TRIM5: variants seen among roughly 807,000 people sequenced by gnomAD.
TRIM5 encodes tripartite motif containing 5.
TRIM5 carries 31 observed loss-of-function variants against 35.6 expected under a neutral mutation model. That is an observed-to-expected ratio of 0.87 (90% CI 0.65 to 1.18). The LOEUF (loss-of-function observed/expected upper bound fraction) is 1.18, where lower values mean the gene tolerates loss of function less well. Among genes scored for constraint, TRIM5 ranks in the 50% most tolerant of loss-of-function variants. The pLI is 0.00. For missense variants in TRIM5, 609 were observed against 591.6 expected, an observed-to-expected ratio of 1.03 and a Z score of -0.31; for synonymous variants, 243 against 215.6, an observed-to-expected ratio of 1.13 and a Z score of -1.11.
At chr11:5,645,190 A>C in the TRIM5 span, among the ~76,000 whole-genome samples, 3 of 152,066 alleles carry the variant, frequency 2.0e-5, no homozygotes, top group African/African-American at 7.2e-5. Flanking sequence ...TCAGGAGTTC[A>C]AGACTGGCCT....
At chr11:5,681,960 G>A (rs1040948149) in intron 1 of TRIM5, among the ~76,000 whole-genome samples, 8 of 151,992 alleles carry the variant, frequency 5.3e-5, no homozygotes, top group Admixed American at 2.0e-4. Flanking sequence ...CACCACACCC[G>A]GCTAATTTTT....
chr11:5,678,327 C>T lies in TRIM5; in HGVS notation c.621G>A (p.Glu207=). 1.9e-6 allele frequency: 3 copies of T among 1,614,020 alleles called. No homozygotes were observed. Among genetic ancestry groups the T allele is most frequent in the Non-Finnish European group, 2.5e-6 (3 of 1,179,906 alleles). ...TCGTAAGGCTTTTCAGAATGTCTTC[C>T]TCCTCCTTCTCCAGGTTTTGCAGCT... is the stretch of plus-strand genomic sequence containing the variant. ...SNELQNLEKE[E]EDILKSLTNS... is the part of the protein sequence containing the mutation. Residue 207 remains glutamate, a synonymous_variant, in exon 4 of 8, where the codon GAG becomes GAA. Transcript: ENST00000380034.
chr11:5,608,484 G>C, the TRIM5 span: 1 of 1,579,656 alleles, frequency 6.3e-7, no homozygotes, highest in Non-Finnish European at 8.6e-7. Context: ...AAGAATCAGA[G>C]TGGGGAAGAT....
Position 5,679,101 on chromosome 11 carries a change from GTCAGCTTCTAACTCT to G in TRIM5, c.471_485del (p.Glu157_Ala161del), listed in dbSNP as rs1349112093. On this transcript the variant is annotated inframe_deletion, in exon 3 of 8. Transcript: ENST00000380034. ...TCCAGGAAGCTTTCTCTTCTCTGAT[GTCAGCTTCTAACTCT>G]TCAGCTTCCTGCTGCTTCTGCCTCA... is the stretch of plus-strand genomic sequence containing the variant. The G allele has an allele frequency of 1.2e-6, 2 of 1,614,044 alleles. No homozygotes were observed. The highest frequency in any genetic ancestry group is 2.2e-5 in the South Asian group (2 of 91,080).
the TRIM5 span, among the ~76,000 whole-genome samples, chr11:5,602,323 A>G: frequency 2.5e-4 from 38 of 152,130 alleles, no homozygotes; most frequent in East Asian, 6.6e-3. Flanking sequence ...GGCACCTGTA[A>G]TCCCAGCTAC....
In TRIM5 at chr11:5,664,701, G is replaced by C; in HGVS notation, c.*108C>G. The C allele has an allele frequency of 6.8e-7, 1 of 1,479,798 alleles. No homozygotes were observed. The highest frequency in any genetic ancestry group is 1.5e-5 in the South Asian group (1 of 66,244). The allele number at this position is 1,479,798 out of a possible 1,614,324, so 91.7% of individuals were successfully genotyped here. On this transcript the variant is annotated 3_prime_UTR_variant, in exon 8 of 8. Transcript: ENST00000380034. ...GTGAAGGACGTTCAAATAGAAAGAA[G>C]GGAGACAGCAAGGAAAAGATGGTTA... is the stretch of plus-strand genomic sequence containing the variant.
chr11:5,608,292 G>GGT, the TRIM5 span: 1 of 1,590,852 alleles, frequency 6.3e-7, no homozygotes, highest in East Asian at 2.3e-5. Flanking sequence ...CATATCATGG[G>GGT]GTAGGGGACA....
At chr11:5,608,473 G>A in the TRIM5 span, 2 of 1,594,084 alleles carry the variant, frequency 1.3e-6, no homozygotes, top group East Asian at 4.5e-5. Flanking sequence ...GGAAAGGGAA[G>A]AAGAATCAGA....
Position 5,679,139 on chromosome 11 carries a change from T to G in TRIM5, c.448A>C (p.Arg150=). Residue 150 remains arginine (R), a synonymous_variant, in exon 3 of 8, where the codon AGG becomes CGG. Coordinates refer to ENST00000380034, the MANE Select transcript of TRIM5 (RefSeq NM_033034.3). The part of the protein sequence containing the change: ...VKLQAALEML[R]QKQQEAEELE... ...TCTTCAGCTTCCTGCTGCTTCTGCCTCAGCATCTCCAGAGCTGCCTGGAGC... is the reference window on the plus strand; with the variant it reads ...TCTTCAGCTTCCTGCTGCTTCTGCCGCAGCATCTCCAGAGCTGCCTGGAGC... 3 of 1,614,098 alleles carry G rather than the reference T, an allele frequency of 1.9e-6. No homozygotes were observed. Among genetic ancestry groups the G allele is most frequent in the Non-Finnish European group, 2.5e-6 (3 of 1,179,970 alleles).
the TRIM5 span, among the ~76,000 whole-genome samples, chr11:5,647,337 A>T: frequency 1.5e-4 from 23 of 152,322 alleles, no homozygotes; most frequent in Admixed American, 1.1e-3. Flanking sequence ...ACTGAGATGA[A>T]TCAATTGTTT....
chr11:5,675,790 C>T (rs1288284541), intron 4 of TRIM5, among the ~76,000 whole-genome samples: 7 of 140,670 alleles, frequency 5.0e-5, no homozygotes, highest in East Asian at 4.1e-4. Flanking sequence ...CATGCTGGTG[C>T]GCTGCACCCA....
At chr11:5,597,346 C>G in the TRIM5 span, among the ~76,000 whole-genome samples, 3 of 152,056 alleles carry the variant, frequency 2.0e-5, no homozygotes, top group African/African-American at 7.2e-5. Flanking sequence ...AACTCCATGC[C>G]TAGCTTTAAA....
downstream of TRIM5, among the ~76,000 whole-genome samples, chr11:5,659,200 A>C (rs1850732784): frequency 6.6e-6 from 1 of 152,106 alleles, no homozygotes; most frequent in Admixed American, 6.5e-5. Flanking sequence ...CAGGAGCTGT[A>C]AACACTCACC....
the TRIM5 span, among the ~76,000 whole-genome samples, chr11:5,629,832 C>T: frequency 9.2e-5 from 14 of 152,154 alleles, no homozygotes; most frequent in South Asian, 2.1e-4. Context: ...CTTAGCCTCC[C>T]GAGTAGCTGG....
chr11:5,593,770 G>A, the TRIM5 span, among the ~76,000 whole-genome samples: 36 of 152,262 alleles, frequency 2.4e-4, no homozygotes, highest in Admixed American at 2.4e-3. Context: ...TAGAACTGCA[G>A]CAGTGGGTCC....
chr11:5,605,497 C>T, the TRIM5 span: 2 of 1,614,158 alleles, frequency 1.2e-6, no homozygotes, highest in Non-Finnish European at 1.7e-6. Context: ...GTCCACCAGA[C>T]CCAGTCGCTG....
chr11:5,670,804 T>C (rs1851532765), intron 4 of TRIM5, among the ~76,000 whole-genome samples: 1 of 147,688 alleles, frequency 6.8e-6, no homozygotes, highest in Admixed American at 6.8e-5. Flanking sequence ...GCTAGGATCC[T>C]ACACTTAAAA....
chr11:5,664,990 C>A lies in TRIM5; in HGVS notation c.1301G>T (p.Cys434Phe). The change falls in exon 8 of 8, where the codon TGT becomes TTT. Residue 434 changes from cysteine (C) to phenylalanine (F), a missense_variant. Transcript: ENST00000380034. Reference protein sequence around the residue: ...PFIVPLSVIICPDRVGVFLDY... With the variant: ...PFIVPLSVIIFPDRVGVFLDY... Reference sequence around the variant, plus strand: ...TAGGAAAACTCCAACACGATCAGGACAAATAATCACAGAGAGGGGCACAAT... The same window carrying A: ...TAGGAAAACTCCAACACGATCAGGAAAAATAATCACAGAGAGGGGCACAAT... 2 of 1,614,016 alleles carry A rather than the reference C, an allele frequency of 1.2e-6. No homozygotes were observed. The highest frequency in any genetic ancestry group is 1.3e-5 in the African/African-American group (1 of 75,006).
chr11:5,596,996 C>A, the TRIM5 span: 1 of 1,606,214 alleles, frequency 6.2e-7, no homozygotes. Flanking sequence ...AAGGTCCTTT[C>A]CCTTTCGGAA....
Sources: gnomAD v4.1 joint callset for allele counts (sites outside exome capture counted in the v4.1 genomes callset) on GRCh38, gnomAD v4.1.1 for gene constraint, MANE v1.5 for transcripts, NCBI Gene and HGNC (gene_info 2026-07-23, HGNC 2026-07-21) for gene names.